Variants in PFKL observed in about 807,000 individuals in gnomAD.
PFKL encodes ATP-dependent 6-phosphofructokinase, liver type.
In PFKL, 74 loss-of-function variants were observed where a neutral mutation model predicts 92.1. That is an observed-to-expected ratio of 0.80 (90% CI 0.67 to 0.97). The LOEUF (loss-of-function observed/expected upper bound fraction) is 0.97. PFKL is among the 50% of genes least tolerant of loss of function. The pLI is 0.00. For missense variants in PFKL, 1,028 were observed against 1,116.6 expected, an observed-to-expected ratio of 0.92 and a Z score of 1.13; for synonymous variants, 494 against 456.4, an observed-to-expected ratio of 1.08 and a Z score of -1.05.
intron 5 of PFKL, 135 bp downstream of exon 5, chr21:44,313,278 C>A: frequency 9.9e-7 from 1 of 1,014,784 alleles, no homozygotes; most frequent in South Asian, 1.5e-5. Context: ...CCGCCCTCAG[C>A]CCCCAGCTGG....
chr21:44,325,744 G>T, intron 19 of PFKL: 1 of 570,470 alleles, frequency 1.8e-6, no homozygotes, highest in Non-Finnish European at 3.1e-6. Context: ...GCAGCCGACT[G>T]CCGGCCTCGG....
intron 9 of PFKL, among the ~76,000 whole-genome samples, chr21:44,318,079 C>T (rs565229649): frequency 1.1e-3 from 166 of 152,356 alleles, no homozygotes; most frequent in Middle Eastern, 6.8e-3. Flanking sequence ...TTGGCCGGTG[C>T]GGACACACAC....
At position 44,320,095 on chromosome 21, in the gene PFKL, A is replaced by C; in HGVS notation, c.1139A>C (p.Asn380Thr). 1.2e-6 allele frequency: 2 copies of C among 1,613,470 alleles called. No homozygotes were observed. Among genetic ancestry groups the C allele is most frequent in the Non-Finnish European group, 1.7e-6 (2 of 1,179,790 alleles). Residue 380 changes from asparagine (N) to threonine (T), a missense_variant, in exon 12 of 22, where the codon AAC (asparagine) becomes ACC (threonine). By Grantham distance (65) the Asn-to-Thr change is moderately conservative. Transcript: ENST00000349048. Reference protein sequence around the residue: ...ATQLRGGSFENNWNIYKLLAH... With the variant: ...ATQLRGGSFETNWNIYKLLAH... ...CGAATCCCTTCCAGGAGCTTCGAGA[A>C]CAACTGGAACATTTACAAGCTCCTC...
chr21:44,316,554 G>C, intron 9 of PFKL, 30 bp downstream of exon 9: 1 of 1,526,866 alleles, frequency 6.5e-7, no homozygotes. Flanking sequence ...CCCTGCGTAC[G>C]TGCGTGGGTA....
At chr21:44,325,899 G>A (rs1350487179) in intron 19 of PFKL, 62 bp from the exon 20 acceptor site, 2 of 1,252,534 alleles carry the variant, frequency 1.6e-6, no homozygotes, top group South Asian at 1.3e-5. Flanking sequence ...GTCTGCACTG[G>A]CGTTGGCCTT....
At chr21:44,306,086 C>G (rs2040931706) in intron 1 of PFKL, 1 of 632,414 alleles carries the variant, frequency 1.6e-6, no homozygotes, top group Non-Finnish European at 2.4e-6. Context: ...AGAGGTGCTC[C>G]CCGGCTTCTC....
In PFKL at chr21:44,324,043, T is replaced by C. The variant is rs896767450; in HGVS notation, c.1650+125T>C. 6.2e-6 allele frequency: 7 copies of C among 1,126,902 alleles called. No homozygotes were observed. The African/African-American group carries it at 1.1e-4, about 17-fold the overall frequency. 69.8% of individuals were successfully genotyped at this position (1,126,902 alleles called of 1,614,324 possible). A position where few individuals can be genotyped will look rare whatever the true frequency, so the allele number is the denominator to read the frequency against. ...TGGGAGGGCTGCCAGGGTTGGGGTT[T>C]GTGGGGCACAGGCCCGGGTGAAGGG... On this transcript the variant is annotated intron_variant, in intron 16 of 21. Transcript: ENST00000349048.
intron 10 of PFKL, 41 bp downstream of exon 10, chr21:44,318,636 C>G (rs753119075): frequency 1.0e-4 from 144 of 1,413,842 alleles, no homozygotes; most frequent in Non-Finnish European, 1.3e-4. Flanking sequence ...CCTGGCCCCT[C>G]TCCCCAGTCC....
rs576739429 is a variant in PFKL, at chr21:44,312,718, C to T, written c.428-260C>T. Among the ~76,000 whole-genome samples the T allele has an allele frequency of 3.9e-5, 6 of 152,338 alleles. No homozygotes were observed. In the South Asian group the frequency reaches 8.3e-4, roughly 21 times the overall value. Reference sequence around the variant, plus strand: ...TCTCGGAGCCATGTCTGTTCCATGTCCCTCATGTGGGGGACCCTGATGTGA... The same window carrying T: ...TCTCGGAGCCATGTCTGTTCCATGTTCCTCATGTGGGGGACCCTGATGTGA... On this transcript the variant is annotated intron_variant, in intron 4 of 21. Coordinates refer to ENST00000349048, the MANE Select transcript of PFKL (RefSeq NM_002626.6).
At position 44,326,873 on chromosome 21, in the gene PFKL, G is replaced by A. The variant is rs373759017; in HGVS notation, c.*11G>A. ...GACAAGGGCTTCTGAGGCCAGCCAT[G>A]CCCACGCCCCTCCCCAGCCCCCACC... On this transcript the variant is annotated 3_prime_UTR_variant, in exon 22 of 22. Transcript: ENST00000349048. The A allele has an allele frequency of 1.9e-6, 3 of 1,599,218 alleles. 1 individual carries two copies. In the African/African-American group the frequency reaches 4.0e-5, roughly 21 times the overall value.
chr21:44,325,482 C>T, intron 19 of PFKL: 1 of 582,882 alleles, frequency 1.7e-6, no homozygotes, highest in East Asian at 2.8e-5. Context: ...GGGCCCGAGC[C>T]AGGGCATTCA....
At chr21:44,324,021 G>A in intron 16 of PFKL, 103 bp downstream of exon 16, 2 of 1,373,652 alleles carry the variant, frequency 1.5e-6, no homozygotes, top group Non-Finnish European at 2.0e-6. Context: ...GAGCACCTGG[G>A]AGGGCTGCCA....
chr21:44,325,388 T>C (rs2047477259), intron 19 of PFKL, 124 bp downstream of exon 19: 2 of 673,360 alleles, frequency 3.0e-6, no homozygotes, highest in Non-Finnish European at 5.4e-6. Flanking sequence ...CTCGGGCACG[T>C]GTGCCCTTCC....
chr21:44,324,769 A>G, intron 17 of PFKL, 87 bp from the exon 18 acceptor site: 2 of 1,576,928 alleles, frequency 1.3e-6, no homozygotes, highest in Non-Finnish European at 1.7e-6. Context: ...CGCGTAGCCC[A>G]GTGCTCCTGC....
At position 44,300,256 on chromosome 21, in the gene PFKL, G is replaced by C; in HGVS notation, c.85+66G>C. On this transcript the variant is annotated intron_variant, in intron 1 of 21. Transcript: ENST00000349048. ...AGGGCGCCTCCGCCCTGGCCTCTCC[G>C]GAGCGCCCGCCGAGCCCCGGGACCC... The C allele has an allele frequency of 1.3e-5, 10 of 791,418 alleles. 1 individual carries two copies. Among genetic ancestry groups the C allele is most frequent in the Non-Finnish European group, 1.2e-5 (8 of 643,066 alleles). 49.0% of individuals were successfully genotyped at this position (791,418 alleles called of 1,614,324 possible).
intron 1 of PFKL, chr21:44,304,275 G>C (rs2040862516): frequency 7.8e-7 from 1 of 1,288,996 alleles, no homozygotes; most frequent in African/African-American, 1.5e-5. Flanking sequence ...CCGTTCCCAG[G>C]TCCCCTGACA....
At chr21:44,308,992 G>T (rs968375585) in intron 2 of PFKL, among the ~76,000 whole-genome samples, 1 of 152,160 alleles carries the variant, frequency 6.6e-6, no homozygotes, top group Admixed American at 6.5e-5. Flanking sequence ...ACTCAGGGAG[G>T]GGACTGGCCG....
chr21:44,326,246 A>G lies in PFKL; in HGVS notation c.2177A>G (p.Lys726Arg). The change falls in exon 21 of 22, where the codon AAG becomes AGG. Residue 726 changes from lysine to arginine, a missense_variant. Transcript: ENST00000349048. ...GCCTTCAGCCCCGTCACTGAGCTCAAGAAAGACACTGATTTCGAGTGAGTT... is the reference window on the plus strand; with the variant it reads ...GCCTTCAGCCCCGTCACTGAGCTCAGGAAAGACACTGATTTCGAGTGAGTT... ...AVAFSPVTEL[K>R]KDTDFEHRMP... 6.2e-7 allele frequency: 1 copy of G among 1,611,638 alleles called. No individual in the cohort carries two copies. Among genetic ancestry groups the G allele is most frequent in the Non-Finnish European group, 8.5e-7 (1 of 1,178,776 alleles).
chr21:44,314,729 C>G (rs1389153288), intron 7 of PFKL: 1 of 152,286 alleles, frequency 6.6e-6, no homozygotes, highest in Non-Finnish European at 1.5e-5. Context: ...GACCCCTCAA[C>G]TGGGACAGGT....
Sources: gnomAD v4.1 joint callset for allele counts (sites outside exome capture counted in the v4.1 genomes callset) on GRCh38, gnomAD v4.1.1 for gene constraint, MANE v1.5 for transcripts, NCBI Gene and HGNC (gene_info 2026-07-23, HGNC 2026-07-21) for gene names.